FBP1: variants seen among roughly 807,000 people sequenced by gnomAD.
The protein encoded by FBP1 is fructose-bisphosphatase 1.
A neutral mutation model predicts 29.9 loss-of-function variants in FBP1; 22 were observed. The observed-to-expected ratio is 0.74, with a 90% confidence interval of 0.53 to 1.05. FBP1 has a LOEUF of 1.05. Ranked by LOEUF, FBP1 falls within the 50% of genes least tolerant of loss-of-function variation. The pLI, the probability that FBP1 is intolerant of heterozygous loss-of-function variation, is 0.00. For synonymous variants in FBP1, 175 were observed against 178.6 expected (o/e 0.98, Z 0.16); for missense variants, 345 against 448.2 (o/e 0.77, Z 2.08).
chr9:94,606,008 G>A (rs28369757), intron 5 of FBP1, among the ~76,000 whole-genome samples: 5,247 of 152,222 alleles, frequency 0.034, 280 homozygotes, highest in African/African-American at 0.12. Flanking sequence ...TGGTCCTGGA[G>A]GAGGAGCCTG....
intron 1 of FBP1, among the ~76,000 whole-genome samples, chr9:94,624,598 A>T (rs1827996868): frequency 6.6e-6 from 1 of 152,108 alleles, no homozygotes. Context: ...GGTTGCAGTG[A>T]GCCGAGATCG....
rs538887314 is a variant in FBP1 at position 94,624,287 on chromosome 9, G to A, written c.171-3796C>T. Among the ~76,000 whole-genome samples, 13 of 147,246 alleles carry A rather than the reference G, an allele frequency of 8.8e-5. No individual in the cohort carries two copies. In the South Asian group the frequency reaches 2.6e-3, roughly 29 times the overall value. On this transcript the variant is annotated intron_variant, in intron 1 of 6. Transcript: ENST00000375326. ...CGGGAGGCGGAGCTTGCAGTGAGCC[G>A]AGATTGCGTCACTGCACTCCAGCCT...
In FBP1 at chr9:94,635,086, CAAAAAA is replaced by C. The variant is rs11289183; in HGVS notation, c.170+4049_170+4054del. Among the ~76,000 whole-genome samples, 417 of 82,276 alleles carry C rather than the reference CAAAAAA, an allele frequency of 5.1e-3. 2 individuals carry two copies. The highest frequency in any genetic ancestry group is 0.018 in the Admixed American group (118 of 6,584). 54.0% of individuals were successfully genotyped at this position (82,276 alleles called of 152,430 possible). A position where few individuals can be genotyped will look rare whatever the true frequency, so the allele number is the denominator to read the frequency against. ...CCTGAGTGAGAGTGAGGCCCTGTCT[CAAAAAA>C]AAAAAAAAAAAAAAAAAACCAGTTA... is the stretch of plus-strand genomic sequence containing the variant. On this transcript the variant is annotated intron_variant, in intron 1 of 6. Transcript: ENST00000375326.
intron 1 of FBP1, among the ~76,000 whole-genome samples, chr9:94,635,085 TCAA>T (rs1828171664): frequency 3.8e-5 from 1 of 26,312 alleles, no homozygotes; most frequent in Non-Finnish European, 6.1e-5. Flanking sequence ...AGGCCCTGTC[TCAA>T]AAAAAAAAAA....
chr9:94,621,548 A>G (rs1029851108), intron 1 of FBP1, among the ~76,000 whole-genome samples: 4 of 152,160 alleles, frequency 2.6e-5, no homozygotes. Context: ...TTGTGGTTAA[A>G]TCAGTGTTTC....
rs28369765 is a variant in FBP1, at chr9:94,604,826, C to T, written c.825+631G>A. Reference sequence around the variant, plus strand: ...GGGAAAACATAAGAAGGACACAATACTTGGGAAGGAAGCACACTGTCACCC... The same window carrying T: ...GGGAAAACATAAGAAGGACACAATATTTGGGAAGGAAGCACACTGTCACCC... On this transcript the variant is annotated intron_variant, in intron 6 of 6. Coordinates refer to ENST00000375326, the MANE Select transcript of FBP1 (RefSeq NM_000507.4). Among the ~76,000 whole-genome samples, 1,294 of 152,236 alleles carry T rather than the reference C, an allele frequency of 8.5e-3. 16 individuals carry two copies. The highest frequency in any genetic ancestry group is 0.03 in the African/African-American group (1,233 of 41,536).
upstream of FBP1, chr9:94,639,529 G>C: frequency 1.6e-6 from 1 of 617,478 alleles, no homozygotes; most frequent in Non-Finnish European, 2.9e-6. Context: ...GCCAGGCGCC[G>C]GCGGGTGAAT....
chr9:94,617,287 T>A (rs1380643194), intron 3 of FBP1, among the ~76,000 whole-genome samples: 1 of 152,220 alleles, frequency 6.6e-6, no homozygotes, highest in Non-Finnish European at 1.5e-5. Context: ...TTTCAACTAT[T>A]TAAAAATGTA....
In FBP1 at chr9:94,617,889, TA is replaced by T. The variant is rs759807089; in HGVS notation, c.334-30del. Reference sequence around the variant, plus strand: ...AGCACAGAAAAAAGAAATACAACCTTAAAATGTTATAGCAAGATACACTAAA... The same window carrying T: ...AGCACAGAAAAAAGAAATACAACCTTAAATGTTATAGCAAGATACACTAAA... On this transcript the variant is annotated intron_variant, in intron 2 of 6. Coordinates refer to ENST00000375326, the MANE Select transcript of FBP1 (RefSeq NM_000507.4). The T allele has an allele frequency of 6.0e-6, 9 of 1,499,632 alleles. No homozygotes were observed. The African/African-American group carries it at 1.1e-4, about 18-fold the overall frequency. 92.9% of individuals were successfully genotyped at this position (1,499,632 alleles called of 1,614,324 possible). A position where few individuals can be genotyped will look rare whatever the true frequency, so the allele number is the denominator to read the frequency against.
At chr9:94,625,149 A>G (rs1408820435) in intron 1 of FBP1, among the ~76,000 whole-genome samples, 1 of 99,872 alleles carries the variant, frequency 1.0e-5, no homozygotes, top group African/African-American at 2.6e-5. Context: ...CTGTTGCCCC[A>G]GATCATGCCC....
chr9:94,614,476 G>C (rs930440346), intron 3 of FBP1, among the ~76,000 whole-genome samples: 7 of 151,804 alleles, frequency 4.6e-5, no homozygotes, highest in Admixed American at 2.0e-4. Context: ...GGAGGCAGAG[G>C]TCGCAGGGAG....
At chr9:94,632,409 C>T (rs1452114201) in intron 1 of FBP1, among the ~76,000 whole-genome samples, 1 of 152,194 alleles carries the variant, frequency 6.6e-6, no homozygotes, top group Non-Finnish European at 1.5e-5. Context: ...GTGGCTCACA[C>T]TTGTAAGCCC....
chr9:94,639,617 C>G, upstream of FBP1: 1 of 495,926 alleles, frequency 2.0e-6, no homozygotes, highest in Non-Finnish European at 3.7e-6. Flanking sequence ...CGGACCAGAC[C>G]GCGGCTCCGC....
At chr9:94,625,577 C>T (rs919830611) in intron 1 of FBP1, among the ~76,000 whole-genome samples, 7 of 152,168 alleles carry the variant, frequency 4.6e-5, no homozygotes, top group Non-Finnish European at 7.3e-5. Context: ...GAGCGGATCA[C>T]GAGGTCAGGA....
intron 1 of FBP1, among the ~76,000 whole-genome samples, chr9:94,634,668 T>TGGAGGGAGCCAGAAGCCC (rs1269919640): frequency 6.6e-6 from 1 of 152,202 alleles, no homozygotes; most frequent in Non-Finnish European, 1.5e-5. Context: ...CAAGAGTGGA[T>TGGAGGGAGCCAGAAGCCC]GGAGGGAGCC....
chr9:94,603,319 C>T lies in FBP1; in HGVS notation c.*62G>A. 1 of 1,353,260 alleles carries T rather than the reference C, an allele frequency of 7.4e-7. No homozygotes were observed. The highest frequency in any genetic ancestry group is 1.0e-6 in the Non-Finnish European group (1 of 954,492). The allele number at this position is 1,353,260 out of a possible 1,614,324, so 83.8% of individuals were successfully genotyped here. On this transcript the variant is annotated 3_prime_UTR_variant, in exon 7 of 7. Coordinates refer to ENST00000375326, the MANE Select transcript of FBP1 (RefSeq NM_000507.4). ...GTAAGGTGCACAGCAGGTCAGGGTA[C>T]TGCTGTGTGAGACAAAAGGTCCAGG... is the stretch of plus-strand genomic sequence containing the variant.
chr9:94,631,868 G>C (rs1309409627), intron 1 of FBP1, among the ~76,000 whole-genome samples: 2 of 152,112 alleles, frequency 1.3e-5, no homozygotes, highest in African/African-American at 4.8e-5. Flanking sequence ...GAAATACATT[G>C]AAGAGGTGCT....
In FBP1 at chr9:94,638,635, G is replaced by T. The variant is rs201419601; in HGVS notation, c.170+506C>A. Among the ~76,000 whole-genome samples, 48 of 41,648 alleles carry T rather than the reference G, an allele frequency of 1.2e-3. 1 individual carries two copies. Among genetic ancestry groups the T allele is most frequent in the African/African-American group, 5.4e-3 (46 of 8,530 alleles). The allele number at this position is 41,648 out of a possible 152,430, so 27.3% of individuals were successfully genotyped here. A position where few individuals can be genotyped will look rare whatever the true frequency, so the allele number is the denominator to read the frequency against. ...CTCCCAGCCTGCTTGCGGGGGGGGC[G>T]GGGGGGACACTCGCTCCTAACAGGT... On this transcript the variant is annotated intron_variant, in intron 1 of 6. Transcript: ENST00000375326.
intron 3 of FBP1, among the ~76,000 whole-genome samples, chr9:94,614,663 G>A (rs1434992657): frequency 6.6e-6 from 1 of 152,180 alleles, no homozygotes; most frequent in Non-Finnish European, 1.5e-5. Context: ...TGGTCACCAT[G>A]GCAGGGTCAC....
Sources: allele counts gnomAD v4.1 joint callset (sites outside exome capture counted in the v4.1 genomes callset), GRCh38; gene constraint gnomAD v4.1.1; transcripts MANE v1.5; gene names NCBI Gene and HGNC (gene_info 2026-07-23, HGNC 2026-07-21).